Variants in AAMDC observed in about 807,000 individuals in gnomAD.
AAMDC encodes the protein adipogenesis associated Mth938 domain containing.
AAMDC carries 16 observed loss-of-function variants against 15.5 expected under a neutral mutation model. That is an observed-to-expected ratio of 1.03 (90% confidence interval 0.70 to 1.57). The LOEUF is 1.57. Ranked by LOEUF, AAMDC falls within the 40% of genes most tolerant of loss-of-function variation. The pLI, the probability that AAMDC is intolerant of heterozygous loss-of-function variation, is 0.00. For missense variants in AAMDC, 141 were observed against 144.9 expected, an observed-to-expected ratio of 0.97 and a Z score of 0.14; for synonymous variants, 51 against 51.6, an observed-to-expected ratio of 0.99 and a Z score of 0.05.
In AAMDC at chr11:77,830,652, A is replaced by G. The variant is rs113366745; in HGVS notation, c.-19+9411A>G. Among the ~76,000 whole-genome samples the G allele has an allele frequency of 1.8e-3, 270 of 152,068 alleles. 2 individuals carry two copies. Among genetic ancestry groups the G allele is most frequent in the Middle Eastern group, 6.8e-3 (2 of 294 alleles). On this transcript the variant is annotated intron_variant, in intron 1 of 3. Coordinates refer to ENST00000393427, the MANE Select transcript of AAMDC (RefSeq NM_024684.4). ...CGTTTGCCCCCCTTTATTCAGTCCCATAGGTCCGTGTGGGTTACACAGTGG... is the reference window on the plus strand; with the variant it reads ...CGTTTGCCCCCCTTTATTCAGTCCCGTAGGTCCGTGTGGGTTACACAGTGG...
chr11:77,905,831 T>G (rs1218908884), intron 3 of AAMDC, among the ~76,000 whole-genome samples: 1 of 152,178 alleles, frequency 6.6e-6, no homozygotes, highest in Non-Finnish European at 1.5e-5. Flanking sequence ...ACCTTTCCCT[T>G]TATGACCAAT....
At chr11:77,874,835 G>A (rs552936285), downstream of AAMDC, among the ~76,000 whole-genome samples, 9 of 152,190 alleles carry the variant, frequency 5.9e-5, no homozygotes, top group African/African-American at 1.9e-4. Flanking sequence ...TCAGCAGTTC[G>A]AGACCAGCCT....
intron 1 of AAMDC, among the ~76,000 whole-genome samples, chr11:77,836,299 T>C (rs1204897091): frequency 6.6e-6 from 1 of 152,092 alleles, no homozygotes; most frequent in African/African-American, 2.4e-5. Context: ...GATAGGGTCT[T>C]CAAGGAGGTA....
chr11:77,849,781 C>T (rs1008636618), intron 2 of AAMDC, among the ~76,000 whole-genome samples: 1 of 152,112 alleles, frequency 6.6e-6, no homozygotes. Context: ...TCCTCTGCAC[C>T]TTTGCTAAAA....
intron 5 of AAMDC, among the ~76,000 whole-genome samples, chr11:77,889,879 A>C (rs1952188327): frequency 6.6e-6 from 1 of 152,122 alleles, no homozygotes; most frequent in African/African-American, 2.4e-5. Context: ...ACAGTCTAGG[A>C]GATGACCCTT....
chr11:77,882,202 C>A (rs1209059461), intron 5 of AAMDC, among the ~76,000 whole-genome samples: 3 of 152,190 alleles, frequency 2.0e-5, no homozygotes, highest in African/African-American at 7.2e-5. Context: ...AGCCACCAGG[C>A]CTGGCTGTGA....
chr11:77,902,108 C>T (rs944738898), downstream of AAMDC, among the ~76,000 whole-genome samples: 2 of 152,184 alleles, frequency 1.3e-5, no homozygotes. Context: ...AATGATGCTT[C>T]TCTTTTCCTT....
At chr11:77,839,031 TG>T (rs1417499301) in intron 1 of AAMDC, among the ~76,000 whole-genome samples, 1 of 152,240 alleles carries the variant, frequency 6.6e-6, no homozygotes, top group Non-Finnish European at 1.5e-5. Context: ...ACCATATTTT[TG>T]TTTATTTCTT....
At chr11:77,897,756 C>T (rs1356553454) in intron 5 of AAMDC, among the ~76,000 whole-genome samples, 3 of 151,890 alleles carry the variant, frequency 2.0e-5, no homozygotes, top group Non-Finnish European at 4.4e-5. Flanking sequence ...CCACCCGATT[C>T]GGCCTCCCAA....
At chr11:77,829,353 T>G (rs1383129522) in intron 1 of AAMDC, among the ~76,000 whole-genome samples, 1 of 152,248 alleles carries the variant, frequency 6.6e-6, no homozygotes, top group Non-Finnish European at 1.5e-5. Context: ...AAATTTTTGT[T>G]GTTTAAGTTA....
At chr11:77,823,916 T>TAA (rs557186061) in intron 1 of AAMDC, among the ~76,000 whole-genome samples, 3 of 133,748 alleles carry the variant, frequency 2.2e-5, no homozygotes, top group Admixed American at 7.5e-5. Context: ...AATAACATTC[T>TAA]AAAAAAAAAA....
intron 2 of AAMDC, among the ~76,000 whole-genome samples, chr11:77,843,290 G>A (rs1950009459): frequency 6.6e-6 from 1 of 152,106 alleles, no homozygotes; most frequent in Non-Finnish European, 1.5e-5. Context: ...TATTCTCAGT[G>A]TGCCATTCCC....
downstream of AAMDC, chr11:77,872,367 A>AC (rs1220973528): frequency 1.3e-6 from 2 of 1,552,534 alleles, no homozygotes; most frequent in East Asian, 4.6e-5. Context: ...TGTGACTGTC[A>AC]CTCACCATTC....
At chr11:77,835,886 T>TGACA (rs1310166197) in intron 1 of AAMDC, among the ~76,000 whole-genome samples, 1 of 151,986 alleles carries the variant, frequency 6.6e-6, no homozygotes, top group African/African-American at 2.4e-5. Flanking sequence ...CTAGCCTGGG[T>TGACA]GACAGAGTGA....
chr11:77,827,248 T>C (rs1949221992), intron 1 of AAMDC, among the ~76,000 whole-genome samples: 1 of 152,104 alleles, frequency 6.6e-6, no homozygotes, highest in Non-Finnish European at 1.5e-5. Flanking sequence ...GCTTCACAAA[T>C]TCATACCAAA....
At chr11:77,868,879 A>G in intron 2 of AAMDC, 1 of 191,820 alleles carries the variant, frequency 5.2e-6, no homozygotes, top group Non-Finnish European at 1.1e-5. Flanking sequence ...CACACATTTC[A>G]GGAAGCTCTA....
At chr11:77,905,148 G>A (rs1952906913), downstream of AAMDC, among the ~76,000 whole-genome samples, 7 of 152,074 alleles carry the variant, frequency 4.6e-5, no homozygotes. Flanking sequence ...CAGTGGCCAG[G>A]AGAGAACAAA....
chr11:77,876,643 A>G (rs1185623670), downstream of AAMDC, among the ~76,000 whole-genome samples: 1 of 152,142 alleles, frequency 6.6e-6, no homozygotes, highest in Non-Finnish European at 1.5e-5. Context: ...ATTCTTACAC[A>G]GCTTTTAAAA....
At chr11:77,842,702 T>C in intron 2 of AAMDC, 74 bp downstream of exon 2, 1 of 1,570,208 alleles carries the variant, frequency 6.4e-7, no homozygotes, top group Non-Finnish European at 8.6e-7. Flanking sequence ...CTGCAATGAC[T>C]AAGTGAAAAA....
Sources: gnomAD v4.1 joint callset for allele counts (sites outside exome capture counted in the v4.1 genomes callset) on GRCh38, gnomAD v4.1.1 for gene constraint, MANE v1.5 for transcripts, NCBI Gene and HGNC (gene_info 2026-07-23, HGNC 2026-07-21) for gene names.